Variants in CDH12 observed in about 807,000 individuals in gnomAD.
CDH12 encodes cadherin 12.
In CDH12, 41 loss-of-function variants were observed where a neutral mutation model predicts 74.1. That is an observed-to-expected ratio of 0.55 (90% CI 0.43 to 0.72). The LOEUF is 0.72. Ranked by LOEUF, CDH12 falls within the 30% of genes least tolerant of loss-of-function variation. The pLI is 0.00. For synonymous variants in CDH12, 399 were observed against 355.0 expected (o/e 1.12, Z -1.39); for missense variants, 945 against 977.2 (o/e 0.97, Z 0.44).
intron 5 of CDH12, among the ~76,000 whole-genome samples, chr5:22,000,515 G>A (rs1244679658): frequency 6.6e-6 from 1 of 152,102 alleles, no homozygotes; most frequent in Non-Finnish European, 1.5e-5. Context: ...TAAGCAAGGG[G>A]TGGGACTCAA....
At chr5:22,337,824 G>T (rs1739659828) in intron 3 of CDH12, among the ~76,000 whole-genome samples, 1 of 152,200 alleles carries the variant, frequency 6.6e-6, no homozygotes, top group Admixed American at 6.5e-5. Flanking sequence ...AAAGGTTCTT[G>T]ACTTCACTGA....
intron 6 of CDH12, among the ~76,000 whole-genome samples, chr5:21,879,435 C>T (rs772074619): frequency 2.6e-5 from 4 of 151,220 alleles, no homozygotes; most frequent in African/African-American, 4.9e-5. Context: ...ATCTGGAAGA[C>T]GTTTTTGTTA....
At chr5:22,577,353 C>T (rs996852659) in intron 1 of CDH12, among the ~76,000 whole-genome samples, 2 of 152,260 alleles carry the variant, frequency 1.3e-5, no homozygotes, top group Non-Finnish European at 2.9e-5. Flanking sequence ...GAGAAAAAGC[C>T]ATAACATCCT....
At chr5:22,378,516 T>A (rs1741631210) in intron 3 of CDH12, among the ~76,000 whole-genome samples, 1 of 152,076 alleles carries the variant, frequency 6.6e-6, no homozygotes. Context: ...ATATAAACTT[T>A]TGGTTCAGAT....
chr5:22,449,604 T>G (rs995120), intron 2 of CDH12, among the ~76,000 whole-genome samples: 70,753 of 151,876 alleles, frequency 0.47, 16,860 homozygotes, highest in Admixed American at 0.64. Context: ...AAGATAACTT[T>G]GAAAATGATG....
intron 3 of CDH12, among the ~76,000 whole-genome samples, chr5:22,333,547 C>T (rs1739435901): frequency 6.6e-6 from 1 of 151,962 alleles, no homozygotes; most frequent in Non-Finnish European, 1.5e-5. Flanking sequence ...TAAATTCTAC[C>T]AAACATCTAA....
intron 4 of CDH12, among the ~76,000 whole-genome samples, chr5:22,086,394 G>C (rs1345450446): frequency 6.6e-6 from 1 of 151,968 alleles, no homozygotes; most frequent in African/African-American, 2.4e-5. Context: ...ACCCGGGCTG[G>C]AGTGCAGTGG....
In CDH12 at chr5:22,281,859, A is replaced by G. The variant is rs12054966; in HGVS notation, c.-332-69216T>C. On this transcript the variant is annotated intron_variant, in intron 3 of 14. Coordinates refer to ENST00000382254, the MANE Select transcript of CDH12 (RefSeq NM_004061.5). The stretch of plus-strand genomic sequence containing the variant: ...AGCTATCATTGACTTTCTTCACAGA[A>G]TTATAAAAAAACTAGTTTTAATTTC... Among the ~76,000 whole-genome samples, 9 of 152,328 alleles carry G rather than the reference A, an allele frequency of 5.9e-5. No individual in the cohort carries two copies. The East Asian group carries it at 1.7e-3, about 29-fold the overall frequency.
intron 3 of CDH12, among the ~76,000 whole-genome samples, chr5:22,349,056 G>A (rs950488200): frequency 3.3e-5 from 5 of 152,160 alleles, no homozygotes; most frequent in African/African-American, 1.2e-4. Context: ...GTGCCCTATA[G>A]AGGAATCCAC....
At chr5:22,690,361 T>C (rs1455564147) in intron 1 of CDH12, among the ~76,000 whole-genome samples, 1 of 152,164 alleles carries the variant, frequency 6.6e-6, no homozygotes, top group Non-Finnish European at 1.5e-5. Context: ...AGGATAATTT[T>C]TAATGGCCAT....
chr5:22,561,592 C>A (rs1464919953), intron 1 of CDH12, among the ~76,000 whole-genome samples: 2 of 151,784 alleles, frequency 1.3e-5, no homozygotes. Flanking sequence ...ATGAGGATTC[C>A]CAGAATATGA....
chr5:22,012,983 A>G (rs1046840943), intron 5 of CDH12, among the ~76,000 whole-genome samples: 26 of 146,304 alleles, frequency 1.8e-4, no homozygotes, highest in Non-Finnish European at 3.4e-4. Flanking sequence ...ATAGAGATAA[A>G]TAAACATGGA....
intron 6 of CDH12, among the ~76,000 whole-genome samples, chr5:21,958,354 C>T (rs1352359795): frequency 6.6e-6 from 1 of 152,086 alleles, no homozygotes; most frequent in African/African-American, 2.4e-5. Context: ...ACATCTTAGT[C>T]ATGAAATCCT....
At chr5:22,277,984 A>G (rs551428471) in intron 3 of CDH12, 1 of 152,412 alleles carries the variant, frequency 6.6e-6, no homozygotes, top group South Asian at 2.1e-4. Flanking sequence ...CTTGTGGAAA[A>G]AGGCTGATCT....
chr5:22,521,540 G>T (rs1243061376), intron 1 of CDH12, among the ~76,000 whole-genome samples: 3 of 152,096 alleles, frequency 2.0e-5, no homozygotes, highest in Admixed American at 6.6e-5. Context: ...AAAAGTAATA[G>T]AGATTCCTCA....
At chr5:21,964,062 G>A (rs1175745577) in intron 6 of CDH12, among the ~76,000 whole-genome samples, 1 of 152,030 alleles carries the variant, frequency 6.6e-6, no homozygotes, top group African/African-American at 2.4e-5. Flanking sequence ...AGTAATTGAA[G>A]ACATCTACTT....
At chr5:22,388,356 A>G (rs562381751) in intron 3 of CDH12, among the ~76,000 whole-genome samples, 1 of 152,112 alleles carries the variant, frequency 6.6e-6, no homozygotes, top group African/African-American at 2.4e-5. Context: ...TATTAAAGAA[A>G]AGAGTTATGT....
At chr5:22,013,391 G>A (rs1737408858) in intron 5 of CDH12, among the ~76,000 whole-genome samples, 1 of 152,268 alleles carries the variant, frequency 6.6e-6, no homozygotes, top group Middle Eastern at 3.4e-3. Flanking sequence ...GCTAGGTGGG[G>A]ATTACGGAGA....
intron 3 of CDH12, among the ~76,000 whole-genome samples, chr5:22,287,379 T>C (rs1455108905): frequency 6.6e-6 from 1 of 152,174 alleles, no homozygotes; most frequent in Non-Finnish European, 1.5e-5. Context: ...TCAATTTATA[T>C]TACCAAATAT....
Sources: allele counts gnomAD v4.1 joint callset (sites outside exome capture counted in the v4.1 genomes callset), GRCh38; gene constraint gnomAD v4.1.1; transcripts MANE v1.5; gene names NCBI Gene and HGNC (gene_info 2026-07-23, HGNC 2026-07-21).